Variants in SESN3 observed in about 807,000 individuals in gnomAD.
SESN3 encodes sestrin-3.
Under a neutral mutation model 55.3 loss-of-function variants are expected in SESN3, and 21 were observed. The observed-to-expected ratio is 0.38, with a 90% CI of 0.27 to 0.55. The LOEUF is 0.55. Among genes scored for constraint, SESN3 ranks in the 20% least tolerant of loss-of-function variants. The pLI is 0.76. For missense variants in SESN3, 408 were observed against 604.3 expected (o/e 0.68, Z 3.41); for synonymous variants, 181 against 203.1 (o/e 0.89, Z 0.93).
At chr11:95,182,587 A>G (rs543293947) in intron 6 of SESN3, among the ~76,000 whole-genome samples, 2 of 152,298 alleles carry the variant, frequency 1.3e-5, no homozygotes, top group African/African-American at 2.4e-5. Context: ...CTGCATCTCA[A>G]CAAGATTCCC....
At chr11:95,221,038 C>G (rs1394135446) in intron 1 of SESN3, among the ~76,000 whole-genome samples, 1 of 152,116 alleles carries the variant, frequency 6.6e-6, no homozygotes, top group Admixed American at 6.5e-5. Flanking sequence ...CTGGGTGGCT[C>G]GTGCCTTTAA....
chr11:95,175,545 T>C lies in SESN3; in HGVS notation c.1345A>G (p.Lys449Glu). Residue 449 changes from lysine (K) to glutamate (E), a missense_variant, in exon 9 of 10, where the codon AAA becomes GAA. Lys to Glu is a moderately conservative substitution (Grantham distance 56). Coordinates refer to ENST00000536441, the MANE Select transcript of SESN3 (RefSeq NM_144665.4). ...CGCCAGTAACTATCATACATGCGTT[T>C]TGTAGTTCTCTCAGGATAGCAGGTC... ...TVTCYPERTT[K>E]RMYDSYWRQF... 1 of 1,614,026 alleles carries C rather than the reference T, an allele frequency of 6.2e-7. No homozygotes were observed. Among genetic ancestry groups the C allele is most frequent in the Non-Finnish European group, 8.5e-7 (1 of 1,179,894 alleles).
chr11:95,173,226 C>G lies in SESN3; in HGVS notation c.*29G>C. 7.3e-7 allele frequency: 1 copy of G among 1,366,820 alleles called. No individual in the cohort carries two copies. The highest frequency in any genetic ancestry group is 1.0e-6 in the Non-Finnish European group (1 of 964,754). 84.7% of individuals were successfully genotyped at this position (1,366,820 alleles called of 1,614,324 possible). ...TTATCTTATGTGAAAGGTCTTTACA[C>G]ATGTATGACATTTTCCTTGGGTGAT... On this transcript the variant is annotated 3_prime_UTR_variant, in exon 10 of 10. Transcript: ENST00000536441.
At chr11:95,199,734 A>T (rs1565469567) in intron 1 of SESN3, among the ~76,000 whole-genome samples, 1 of 152,054 alleles carries the variant, frequency 6.6e-6, no homozygotes, top group Non-Finnish European at 1.5e-5. Context: ...GTATTTTATT[A>T]AAAGTGGAAA....
chr11:95,196,114 TAAAAG>T (rs1044182279), intron 1 of SESN3, among the ~76,000 whole-genome samples: 2 of 152,134 alleles, frequency 1.3e-5, no homozygotes, highest in African/African-American at 4.8e-5. Context: ...ATACCGAACA[TAAAAG>T]AAAACTAACA....
rs986077097 is a variant in SESN3 at position 95,170,832 on chromosome 11, A to G, written c.*2423T>C. The G allele has an allele frequency of 1.3e-5, 2 of 152,188 alleles. No individual in the cohort carries two copies. Among genetic ancestry groups the G allele is most frequent in the African/African-American group, 2.4e-5 (1 of 41,460 alleles). The allele number at this position is 152,188 out of a possible 1,614,324, so 9.4% of individuals were successfully genotyped here. On this transcript the variant is annotated 3_prime_UTR_variant, in exon 10 of 10. Coordinates refer to ENST00000536441, the MANE Select transcript of SESN3 (RefSeq NM_144665.4). ...TAGTTCCAAGTCAACTTATTTTCCT[A>G]TTGATAAGATAGATCAATGCTGAGC...
chr11:95,220,867 C>T (rs1372411912), intron 1 of SESN3, among the ~76,000 whole-genome samples: 1 of 152,162 alleles, frequency 6.6e-6, no homozygotes, highest in Non-Finnish European at 1.5e-5. Context: ...GTTTCTTTAT[C>T]CATAAACTGT....
At chr11:95,207,681 T>C (rs535566642) in intron 1 of SESN3, among the ~76,000 whole-genome samples, 44 of 151,708 alleles carry the variant, frequency 2.9e-4, no homozygotes, top group Non-Finnish European at 2.9e-5. Context: ...GGATTTTTGG[T>C]AAAATGTTAT....
At chr11:95,197,849 CTTT>C (rs893847237) in intron 1 of SESN3, among the ~76,000 whole-genome samples, 3 of 152,102 alleles carry the variant, frequency 2.0e-5, no homozygotes, top group Non-Finnish European at 4.4e-5. Context: ...CCTCCTGAAT[CTTT>C]TTTATCTAGA....
Position 95,230,581 on chromosome 11 carries a change from G to C in SESN3, c.78+202C>G. 3.7e-6 allele frequency: 2 copies of C among 544,458 alleles called. No homozygotes were observed. The highest frequency in any genetic ancestry group is 2.2e-5 in the South Asian group (1 of 45,648). The allele number at this position is 544,458 out of a possible 1,614,324, so 33.7% of individuals were successfully genotyped here. A position where few individuals can be genotyped will look rare whatever the true frequency, so the allele number is the denominator to read the frequency against. On this transcript the variant is annotated intron_variant, in intron 1 of 9. Transcript: ENST00000536441. This position sits in a 1 kb window ranked among gnomAD's most constrained non-coding sequence, Gnocchi z 4.6. ...AAATATCCCAACCCCTCCAGACTTG[G>C]GTCTGTCCCGGCGGAAATAAAAAGC...
chr11:95,191,591 G>T lies in SESN3; in HGVS notation c.155C>A (p.Ala52Glu), dbSNP rs1328123488. 1 of 1,611,894 alleles carries T rather than the reference G, an allele frequency of 6.2e-7. No homozygotes were observed. Among genetic ancestry groups the T allele is most frequent in the Non-Finnish European group, 8.5e-7 (1 of 1,178,814 alleles). Residue 52 changes from alanine to glutamate, a missense_variant, in exon 3 of 10, where the codon GCA becomes GAA. By Grantham distance (107) the Ala-to-Glu change is moderately radical (BLOSUM62 -1). Transcript: ENST00000536441. ...GTTAGTACGTTCATCCACTGTGTTT[G>T]CTTGGACAACCTTATAACCAAAAAA... Reference protein sequence around the residue: ...AFIPEKEVVQANTVDERTNFL... With the variant: ...AFIPEKEVVQENTVDERTNFL...
chr11:95,228,272 CCTA>C (rs966836138), intron 1 of SESN3, among the ~76,000 whole-genome samples: 36 of 152,320 alleles, frequency 2.4e-4, no homozygotes, highest in African/African-American at 8.2e-4. Flanking sequence ...AATTAAGCCA[CCTA>C]CTGAGAGAAT....
intron 1 of SESN3, among the ~76,000 whole-genome samples, chr11:95,209,483 C>T (rs1184301946): frequency 6.6e-6 from 1 of 151,326 alleles, no homozygotes; most frequent in Non-Finnish European, 1.5e-5. Flanking sequence ...TTGTGGAAGA[C>T]CGTGTGGCGA....
At chr11:95,214,799 C>T (rs1860721927) in intron 1 of SESN3, among the ~76,000 whole-genome samples, 1 of 152,074 alleles carries the variant, frequency 6.6e-6, no homozygotes, top group Admixed American at 6.5e-5. Flanking sequence ...GATGGAAAGA[C>T]CTACCAGAGT....
intron 1 of SESN3, chr11:95,200,966 G>T (rs970510098): frequency 6.6e-6 from 1 of 151,976 alleles, no homozygotes; most frequent in African/African-American, 2.4e-5. Flanking sequence ...TCAGTACCTT[G>T]TTCATCTTTG....
Position 95,230,921 on chromosome 11 carries a change from C to A in SESN3, c.-61G>T, listed in dbSNP as rs1441002490. On this transcript the variant is annotated 5_prime_UTR_variant, in exon 1 of 10. Coordinates refer to ENST00000536441, the MANE Select transcript of SESN3 (RefSeq NM_144665.4). The surrounding 1 kb of genome is among the most constrained non-coding windows in gnomAD (Gnocchi z 4.6). ...GGCCGGGTCCGGGCTGTCACTGCGG[C>A]CACTGCAGGGCCGGTCCGTCCCCCC... 1.0e-5 allele frequency: 12 copies of A among 1,189,906 alleles called. No homozygotes were observed. Among genetic ancestry groups the A allele is most frequent in the Non-Finnish European group, 1.1e-6 (1 of 878,978 alleles). 73.7% of individuals were successfully genotyped at this position (1,189,906 alleles called of 1,614,324 possible).
rs1163575948 is a variant in SESN3 at position 95,167,630 on chromosome 11, C to T, written c.*5625G>A. The T allele has an allele frequency of 6.6e-6, 1 of 152,074 alleles. No individual in the cohort carries two copies. Among genetic ancestry groups the T allele is most frequent in the Non-Finnish European group, 1.5e-5 (1 of 67,996 alleles). 9.4% of individuals were successfully genotyped at this position (152,074 alleles called of 1,614,324 possible). ...TCTTAACTAGGATGTCAATTCATTC[C>T]TGAGCCCTGAAAGGCATTTATTGGA... On this transcript the variant is annotated 3_prime_UTR_variant, in exon 10 of 10. Transcript: ENST00000536441.
chr11:95,172,941 C>A lies in SESN3; in HGVS notation c.*314G>T. 4.0e-6 allele frequency: 1 copy of A among 247,702 alleles called. No individual in the cohort carries two copies. The highest frequency in any genetic ancestry group is 7.8e-6 in the Non-Finnish European group (1 of 128,734). 15.3% of individuals were successfully genotyped at this position (247,702 alleles called of 1,614,324 possible). On this transcript the variant is annotated 3_prime_UTR_variant, in exon 10 of 10. Transcript: ENST00000536441. ...GGAGAAAAAATACACATACACACAA[C>A]CCAAAGGCGCTGAAGTTAAGCATTA...
At chr11:95,219,448 G>A (rs1860819746) in intron 1 of SESN3, among the ~76,000 whole-genome samples, 2 of 151,848 alleles carry the variant, frequency 1.3e-5, no homozygotes, top group Admixed American at 1.3e-4. Context: ...GAACTTTCTG[G>A]GTAGGTAAAA....
Sources: allele counts gnomAD v4.1 joint callset (sites outside exome capture counted in the v4.1 genomes callset), GRCh38; gene constraint gnomAD v4.1.1; non-coding constraint Gnocchi (gnomAD v3.1); transcripts MANE v1.5; gene names NCBI Gene and HGNC (gene_info 2026-07-23, HGNC 2026-07-21).